ACACB: variants seen among roughly 807,000 people sequenced by gnomAD.
The protein encoded by ACACB is acetyl-CoA carboxylase beta.
ACACB carries 209 observed loss-of-function variants against 278.8 expected under a neutral mutation model. That is an observed-to-expected ratio of 0.75 (90% CI 0.67 to 0.84). The LOEUF is 0.84. ACACB is among the 40% of genes least tolerant of loss of function. The pLI, the probability that ACACB is intolerant of heterozygous loss-of-function variation, is 0.00. For synonymous variants in ACACB, 1,174 were observed against 1,285.6 expected (o/e 0.91, Z 1.86); for missense variants, 2,850 against 3,269.0 (o/e 0.87, Z 3.13).
chr12:109,219,264 G>A (rs967273525), intron 24 of ACACB, among the ~76,000 whole-genome samples: 3 of 152,122 alleles, frequency 2.0e-5, no homozygotes, highest in South Asian at 4.1e-4. Context: ...GTTTGGCCAC[G>A]ATCTCAGAGA....
chr12:109,257,260 C>T (rs891031004), intron 45 of ACACB, among the ~76,000 whole-genome samples: 3 of 150,948 alleles, frequency 2.0e-5, no homozygotes, highest in Non-Finnish European at 4.4e-5. Context: ...GGTGACAGAG[C>T]GAGACTCCAT....
chr12:109,196,288 T>C (rs958761879), intron 16 of ACACB, among the ~76,000 whole-genome samples: 1 of 152,180 alleles, frequency 6.6e-6, no homozygotes, highest in Admixed American at 6.5e-5. Context: ...CCAGGTGTCT[T>C]AGTCCATTTG....
Position 109,256,047 on chromosome 12 carries a change from C to G in ACACB, c.6167-93C>G, listed in dbSNP as rs2047215247. 3 of 915,776 alleles carry G rather than the reference C, an allele frequency of 3.3e-6. No homozygotes were observed. The East Asian group carries it at 7.5e-5, about 23-fold the overall frequency. The allele number at this position is 915,776 out of a possible 1,614,324, so 56.7% of individuals were successfully genotyped here. A position where few individuals can be genotyped will look rare whatever the true frequency, so the allele number is the denominator to read the frequency against. ...TCTGGGCTATGAGGTTAAAGCCAGGCTGTCCTTAGGGAGCTTTTGCACAGC... is the reference window on the plus strand; with the variant it reads ...TCTGGGCTATGAGGTTAAAGCCAGGGTGTCCTTAGGGAGCTTTTGCACAGC... On this transcript the variant is annotated intron_variant, in intron 44 of 52. Transcript: ENST00000338432.
At chr12:109,259,838 G>T (rs187677543) in intron 47 of ACACB, among the ~76,000 whole-genome samples, 1 of 152,184 alleles carries the variant, frequency 6.6e-6, no homozygotes, top group Admixed American at 6.5e-5. Context: ...GAGAGTGGCT[G>T]TTGGATCACT....
At position 109,212,885 on chromosome 12, in the gene ACACB, A is replaced by T; in HGVS notation, c.3299A>T (p.Asp1100Val). The change falls in exon 22 of 53, where the codon GAT (aspartate) becomes GTT (valine). Residue 1100 changes from aspartate (D) to valine (V), a missense_variant. Physicochemically the swap from Asp to Val is radical, Grantham distance 152 (BLOSUM62 -3). Transcript: ENST00000338432. Reference sequence around the variant, plus strand: ...GCAGCCACCCTGCAGCGGAAGGCTGATCGAGAGGTCTTCTTCATCAACACC... The same window carrying T: ...GCAGCCACCCTGCAGCGGAAGGCTGTTCGAGAGGTCTTCTTCATCAACACC... ...CHAATLQRKA[D>V]REVFFINTQS... 6.2e-7 allele frequency: 1 copy of T among 1,614,148 alleles called. No homozygotes were observed. Among genetic ancestry groups the T allele is most frequent in the Non-Finnish European group, 8.5e-7 (1 of 1,180,004 alleles).
chr12:109,167,082 G>T, intron 3 of ACACB, 89 bp downstream of exon 3: 1 of 1,568,668 alleles, frequency 6.4e-7, no homozygotes, highest in Non-Finnish European at 8.7e-7. Flanking sequence ...TCGGGTTCAG[G>T]CTCATTCTGC....
chr12:109,214,086 C>G (rs2045923676), intron 22 of ACACB, among the ~76,000 whole-genome samples: 1 of 143,114 alleles, frequency 7.0e-6, no homozygotes, highest in Non-Finnish European at 1.5e-5. Flanking sequence ...GAGACCCTGT[C>G]TCTACAAAAA....
intron 26 of ACACB, 117 bp from the exon 27 acceptor site, chr12:109,223,698 G>A: frequency 1.1e-6 from 1 of 921,438 alleles, no homozygotes. Context: ...GGAGTTTGAG[G>A]CTGCGGTGAG....
intron 1 of ACACB, among the ~76,000 whole-genome samples, chr12:109,134,242 C>A (rs983362294): frequency 6.6e-6 from 1 of 152,208 alleles, no homozygotes. Context: ...TCTGTGTCAT[C>A]ATGATGGAAG....
intron 19 of ACACB, 121 bp from the exon 20 acceptor site, chr12:109,206,589 T>G: frequency 8.2e-7 from 1 of 1,223,504 alleles, no homozygotes; most frequent in Non-Finnish European, 1.2e-6. Flanking sequence ...GATTTTTTCC[T>G]CAGACCTCAT....
rs2047350925 is a variant in ACACB, at chr12:109,260,529, T to C, written c.6546T>C (p.Leu2182=). ...LKFGAYIVDG[L]RQYKQPILIY... ...TTGGAGCCTACATCGTGGACGGCCT[T>C]AGACAATACAAACAGCCCATCCTGA... Residue 2182 remains leucine (L), a synonymous_variant, in exon 48 of 53, where the codon CTT becomes CTC. Coordinates refer to ENST00000338432, the MANE Select transcript of ACACB (RefSeq NM_001093.4). The C allele has an allele frequency of 6.2e-7, 1 of 1,614,120 alleles. No individual in the cohort carries two copies. Among genetic ancestry groups the C allele is most frequent in the African/African-American group, 1.3e-5 (1 of 74,942 alleles).
At position 109,266,465 on chromosome 12, in the gene ACACB, G is replaced by T. The variant is rs2047521419; in HGVS notation, c.*103G>T. The T allele has an allele frequency of 3.6e-6, 5 of 1,381,338 alleles. No individual in the cohort carries two copies. The African/African-American group carries it at 5.9e-5, about 16-fold the overall frequency. The allele number at this position is 1,381,338 out of a possible 1,614,324, so 85.6% of individuals were successfully genotyped here. A position where few individuals can be genotyped will look rare whatever the true frequency, so the allele number is the denominator to read the frequency against. ...CCCTGAAGACTTGCTTTTAAACAAA[G>T]AAAATCCTGGGCACTTCTGCAGGGC... On this transcript the variant is annotated 3_prime_UTR_variant, in exon 53 of 53. Transcript: ENST00000338432.
chr12:109,147,391 C>CTTTTTTTTTTT (rs34959945), intron 2 of ACACB, among the ~76,000 whole-genome samples: 17 of 116,204 alleles, frequency 1.5e-4, no homozygotes, highest in South Asian at 3.1e-4. Flanking sequence ...TGTCTGGCTA[C>CTTTTTTTTTTT]TTTTTTTTTT....
Position 109,185,599 on chromosome 12 carries a change from G to GC in ACACB, c.1840dup (p.His614ProfsTer23). On this transcript the variant is annotated frameshift_variant, in exon 12 of 53. Coordinates refer to ENST00000338432, the MANE Select transcript of ACACB (RefSeq NM_001093.4). LOFTEE classifies it high-confidence loss of function. Reference sequence around the variant, plus strand: ...TTTAGATCGCCATGGGCGTGCCACTGCACCGGCTGAAGGATATCCGGCTTC... The same window carrying GC: ...TTTAGATCGCCATGGGCGTGCCACTGCCACCGGCTGAAGGATATCCGGCTTC... 6.2e-7 allele frequency: 1 copy of GC among 1,613,906 alleles called. No individual in the cohort carries two copies. Among genetic ancestry groups the GC allele is most frequent in the Non-Finnish European group, 8.5e-7 (1 of 1,179,980 alleles).
Position 109,139,801 on chromosome 12 carries a change from C to T in ACACB, c.396C>T (p.Gly132=). 6.2e-7 allele frequency: 1 copy of T among 1,614,220 alleles called. No homozygotes were observed. Among genetic ancestry groups the T allele is most frequent in the South Asian group, 1.1e-5 (1 of 91,084 alleles). The change falls in exon 2 of 53, where the codon GGC becomes GGT. Residue 132 remains glycine, a synonymous_variant. Transcript: ENST00000338432. The part of the protein sequence containing the change: ...TQGLEATDTN[G]LSSSARPQGQ... ...GTCTGGAGGCCACAGATACCAATGGCCTGTCCTCCTCAGCCAGGCCCCAGG... is the reference window on the plus strand; with the variant it reads ...GTCTGGAGGCCACAGATACCAATGGTCTGTCCTCCTCAGCCAGGCCCCAGG...
chr12:109,245,493 AT>A (rs2046914582), intron 37 of ACACB, 132 bp from the exon 38 acceptor site: 1 of 957,526 alleles, frequency 1.0e-6, no homozygotes, highest in Admixed American at 3.2e-5. Flanking sequence ...TGCTTTAAAT[AT>A]TTCATGATTC....
intron 2 of ACACB, among the ~76,000 whole-genome samples, chr12:109,144,738 T>TTTTC (rs1305333298): frequency 1.8e-4 from 21 of 118,334 alleles, no homozygotes; most frequent in African/African-American, 6.7e-4. Context: ...TTCTTTTTCT[T>TTTTC]TTTCTTTCTT....
In ACACB at chr12:109,191,918, G is replaced by T. The variant is rs372288919; in HGVS notation, c.2367G>T (p.Thr789=). The T allele has an allele frequency of 4.6e-5, 75 of 1,614,182 alleles. No individual in the cohort carries two copies. In the South Asian group the frequency reaches 7.7e-4, roughly 17 times the overall value. ...ACGTGGCCGATGCGATGTTCAGAAC[G>T]TGCATGACAGATTTCTTACACTCCC... ...ALNVADAMFR[T]CMTDFLHSLE... The change falls in exon 15 of 53, where the codon ACG becomes ACT. Residue 789 remains threonine (T), a synonymous_variant. Coordinates refer to ENST00000338432, the MANE Select transcript of ACACB (RefSeq NM_001093.4).
chr12:109,232,574 C>A (rs760517643), intron 28 of ACACB, 95 bp from the exon 29 acceptor site: 40 of 1,464,714 alleles, frequency 2.7e-5, no homozygotes, highest in Non-Finnish European at 3.6e-5. Context: ...AGCTCTAAAT[C>A]TGGTCCAGCT....
Sources: gnomAD v4.1 joint callset for allele counts (sites outside exome capture counted in the v4.1 genomes callset) on GRCh38, gnomAD v4.1.1 for gene constraint, MANE v1.5 for transcripts, NCBI Gene and HGNC (gene_info 2026-07-23, HGNC 2026-07-21) for gene names.